Variants in NDST3 observed in about 807,000 individuals in gnomAD.
NDST3 encodes the protein bifunctional heparan sulfate N-deacetylase/N-sulfotransferase 3.
Under a neutral mutation model 96.1 loss-of-function variants are expected in NDST3, and 58 were observed. That is an observed-to-expected ratio of 0.60 (90% confidence interval 0.49 to 0.75). The LOEUF (loss-of-function observed/expected upper bound fraction) is 0.75, where lower values mean the gene tolerates loss of function less well. Among genes scored for constraint, NDST3 ranks in the 30% least tolerant of loss-of-function variants. The pLI is 0.00. For synonymous variants in NDST3, 333 were observed against 359.7 expected, an observed-to-expected ratio of 0.93 and a Z score of 0.84; for missense variants, 788 against 1,034.2, an observed-to-expected ratio of 0.76 and a Z score of 3.27.
At chr4:118,245,004 T>C (rs1181823737) in intron 12 of NDST3, among the ~76,000 whole-genome samples, 1 of 152,212 alleles carries the variant, frequency 6.6e-6, no homozygotes, top group Non-Finnish European at 1.5e-5. Flanking sequence ...TTACAACTCT[T>C]GTTCCACATA....
At chr4:118,117,002 C>A (rs1362823900) in intron 4 of NDST3, among the ~76,000 whole-genome samples, 3 of 152,152 alleles carry the variant, frequency 2.0e-5, no homozygotes, top group Non-Finnish European at 4.4e-5. Context: ...TCATTCTTAA[C>A]CACCTAAGTG....
At chr4:118,137,194 T>G (rs2125898320) in intron 4 of NDST3, among the ~76,000 whole-genome samples, 1 of 152,286 alleles carries the variant, frequency 6.6e-6, no homozygotes, top group South Asian at 2.1e-4. Context: ...TTGAGTGGAA[T>G]TTTTGAAGAT....
intron 6 of NDST3, among the ~76,000 whole-genome samples, chr4:118,204,127 A>C (rs1297459049): frequency 2.0e-5 from 3 of 152,120 alleles, no homozygotes; most frequent in Non-Finnish European, 4.4e-5. Context: ...AAACACAAAT[A>C]TGTGGAGCTT....
chr4:118,249,061 C>A (rs969577432), intron 12 of NDST3, among the ~76,000 whole-genome samples: 2 of 152,146 alleles, frequency 1.3e-5, no homozygotes, highest in South Asian at 2.1e-4. Context: ...CTCAGTGAAG[C>A]CCAGCATGAC....
chr4:118,068,676 C>T (rs1452724588), intron 2 of NDST3, among the ~76,000 whole-genome samples: 2 of 152,034 alleles, frequency 1.3e-5, no homozygotes, highest in Non-Finnish European at 2.9e-5. Context: ...TAGAAATGCA[C>T]ATTTGGGGAA....
chr4:118,181,425 G>T lies in NDST3; in HGVS notation c.1539+37741G>T, dbSNP rs1736602358. ...CTTGTTTTCCAAAAAGGCCAGGGAA[G>T]TTCCACATTATCTTCAGCAAAAATA... On this transcript the variant is annotated intron_variant, in intron 6 of 13. Coordinates refer to ENST00000296499, the MANE Select transcript of NDST3 (RefSeq NM_004784.3). 3.3e-5 allele frequency among the ~76,000 whole-genome samples: 5 copies of T among 152,188 alleles called. No individual in the cohort carries two copies. In the South Asian group the frequency reaches 1.0e-3, roughly 32 times the overall value.
At chr4:118,090,385 G>A (rs1442482026) in intron 2 of NDST3, among the ~76,000 whole-genome samples, 1 of 151,964 alleles carries the variant, frequency 6.6e-6, no homozygotes, top group African/African-American at 2.4e-5. Flanking sequence ...ATTCTAAACT[G>A]GAATGGATTG....
At chr4:118,255,436 G>A (rs1330002659) in intron 13 of NDST3, among the ~76,000 whole-genome samples, 157 bp from the exon 14 acceptor site, 2 of 151,772 alleles carry the variant, frequency 1.3e-5, no homozygotes, top group African/African-American at 4.8e-5. Flanking sequence ...AAGACTGTCA[G>A]TAAAATATCA....
chr4:118,236,003 T>G (rs868310726), intron 9 of NDST3, among the ~76,000 whole-genome samples: 1 of 152,202 alleles, frequency 6.6e-6, no homozygotes, highest in African/African-American at 2.4e-5. Flanking sequence ...ACATCTCATG[T>G]GATCTTTTGG....
intron 2 of NDST3, among the ~76,000 whole-genome samples, chr4:118,064,174 A>G (rs970558593): frequency 9.2e-5 from 14 of 152,148 alleles, no homozygotes; most frequent in African/African-American, 2.9e-4. Flanking sequence ...CATAATTCTG[A>G]TAATCTCACT....
rs1267773678 is a variant in NDST3, at chr4:118,224,549, C to T, written c.1598C>T (p.Thr533Ile). 1 of 1,612,624 alleles carries T rather than the reference C, an allele frequency of 6.2e-7. No individual in the cohort carries two copies. The highest frequency in any genetic ancestry group is 1.7e-5 in the Admixed American group (1 of 59,868). The change falls in exon 7 of 14, where the codon ACA becomes ATA. Residue 533 changes from threonine (T) to isoleucine (I), a missense_variant. Thr to Ile is a moderately conservative substitution (Grantham distance 89). Transcript: ENST00000296499. ...GGGAATGACCGACTGGGATTATATA[C>T]ATTTGTTAATCTGGCCAACTTTGTG... ...NYGNDRLGLY[T>I]FVNLANFVKS... is the part of the protein sequence containing the mutation.
Position 118,224,391 on chromosome 4 carries a change from G to A in NDST3, c.1540-100G>A, listed in dbSNP as rs557870259. 166 of 1,057,438 alleles carry A rather than the reference G, an allele frequency of 1.6e-4. 1 individual carries two copies. The African/African-American group carries it at 2.4e-3, about 15-fold the overall frequency. 65.5% of individuals were successfully genotyped at this position (1,057,438 alleles called of 1,614,324 possible). A position where few individuals can be genotyped will look rare whatever the true frequency, so the allele number is the denominator to read the frequency against. On this transcript the variant is annotated intron_variant, in intron 6 of 13. Transcript: ENST00000296499. ...AACACGCCATCAACTGAAACCCTGT[G>A]CAGACTACTTAAGGAAAAAAACTAG...
intron 3 of NDST3, among the ~76,000 whole-genome samples, chr4:118,108,353 A>G (rs1730373665): frequency 6.6e-6 from 1 of 152,224 alleles, no homozygotes; most frequent in African/African-American, 2.4e-5. Flanking sequence ...TATGTGTGTT[A>G]GATCTAAATG....
intron 4 of NDST3, among the ~76,000 whole-genome samples, chr4:118,135,811 G>A (rs557457823): frequency 2.4e-4 from 37 of 152,222 alleles, no homozygotes; most frequent in South Asian, 6.2e-4. Context: ...CCAGGAGGTC[G>A]AGGATGCAGT....
intron 6 of NDST3, among the ~76,000 whole-genome samples, chr4:118,221,378 G>A (rs1398385999): frequency 1.3e-5 from 2 of 152,020 alleles, no homozygotes; most frequent in South Asian, 2.1e-4. Context: ...ACTGAGCAGC[G>A]TGGTCATGAA....
intron 6 of NDST3, among the ~76,000 whole-genome samples, chr4:118,189,556 C>T (rs1197534351): frequency 6.6e-6 from 1 of 152,118 alleles, no homozygotes. Flanking sequence ...AAATACTTAA[C>T]ACAAATATGA....
chr4:118,209,360 A>G (rs1032553300), intron 6 of NDST3, among the ~76,000 whole-genome samples: 1 of 152,230 alleles, frequency 6.6e-6, no homozygotes, highest in African/African-American at 2.4e-5. Context: ...CCTCTAACTA[A>G]CTGCAATGGG....
chr4:118,045,058 C>T (rs1252101536), intron 1 of NDST3, among the ~76,000 whole-genome samples: 1 of 152,160 alleles, frequency 6.6e-6, no homozygotes, highest in East Asian at 1.9e-4. Flanking sequence ...AACCTCTGTA[C>T]TCTCAAGTCT....
At chr4:118,165,704 T>A (rs1424223486) in intron 6 of NDST3, among the ~76,000 whole-genome samples, 2 of 151,876 alleles carry the variant, frequency 1.3e-5, no homozygotes, top group African/African-American at 4.8e-5. Flanking sequence ...ATTGATATCA[T>A]ACCAAGTATC....
Sources: allele counts gnomAD v4.1 joint callset (sites outside exome capture counted in the v4.1 genomes callset), GRCh38; gene constraint gnomAD v4.1.1; transcripts MANE v1.5; gene names NCBI Gene and HGNC (gene_info 2026-07-23, HGNC 2026-07-21).